Variants in TENM2 observed in about 807,000 individuals in gnomAD.
TENM2 encodes the protein teneurin transmembrane protein 2, also known as teneurin-2.
TENM2 carries 52 observed loss-of-function variants against 245.2 expected under a neutral mutation model. That is an observed-to-expected ratio of 0.21 (90% CI 0.17 to 0.27). The LOEUF is 0.27. Among genes scored for constraint, TENM2 ranks in the 10% least tolerant of loss-of-function variants. The pLI, the probability that TENM2 is intolerant of heterozygous loss-of-function variation, is 1.00. For missense variants in TENM2, 3,046 were observed against 3,666.8 expected (o/e 0.83, Z 4.37); for synonymous variants, 1,363 against 1,438.9 (o/e 0.95, Z 1.19).
intron 2 of TENM2, among the ~76,000 whole-genome samples, chr5:167,705,983 ATATATATATT>A (rs142179445): frequency 0.1 from 10,819 of 108,102 alleles, 454 homozygotes; most frequent in African/African-American, 0.2. Flanking sequence ...ATATATATAT[ATATATATATT>A]TATTTATTTA....
chr5:167,201,815 T>C, the TENM2 span, among the ~76,000 whole-genome samples: 2 of 152,312 alleles, frequency 1.3e-5, no homozygotes, highest in South Asian at 4.1e-4. Flanking sequence ...GAGAACTGAT[T>C]GGCTGACTGA....
At chr5:167,241,726 A>G in the TENM2 span, among the ~76,000 whole-genome samples, 1 of 152,124 alleles carries the variant, frequency 6.6e-6, no homozygotes, top group Middle Eastern at 3.2e-3. Flanking sequence ...CCTGAGCTGG[A>G]GCAGTTTTAG....
the TENM2 span, among the ~76,000 whole-genome samples, chr5:167,069,502 G>A: frequency 1.3e-5 from 2 of 152,152 alleles, no homozygotes; most frequent in Non-Finnish European, 2.9e-5. Context: ...TAAATGGAAA[G>A]TCAAAATAAT....
intron 2 of TENM2, among the ~76,000 whole-genome samples, chr5:167,654,450 CT>C (rs1258157326): frequency 1.4e-5 from 2 of 147,962 alleles, no homozygotes; most frequent in African/African-American, 5.3e-5. Context: ...CTTGCTTTAT[CT>C]ATTTCTGATC....
chr5:167,912,259 GT>G (rs138337978), intron 3 of TENM2, among the ~76,000 whole-genome samples: 3,035 of 152,244 alleles, frequency 0.02, 100 homozygotes, highest in African/African-American at 0.069. Context: ...TCGTCTTTCT[GT>G]GCCTGTCTTA....
the TENM2 span, among the ~76,000 whole-genome samples, chr5:166,987,960 ATT>A: frequency 6.6e-6 from 1 of 152,148 alleles, no homozygotes; most frequent in African/African-American, 2.4e-5. Flanking sequence ...AGGTTCTGGG[ATT>A]TACTTTCCAA....
the TENM2 span, among the ~76,000 whole-genome samples, chr5:167,110,334 A>G: frequency 6.6e-6 from 1 of 152,166 alleles, no homozygotes; most frequent in Non-Finnish European, 1.5e-5. Context: ...ATGCTCCTCT[A>G]GCAAAGACAG....
At chr5:167,379,174 A>T (rs1436232204) in intron 2 of TENM2, among the ~76,000 whole-genome samples, 1 of 152,294 alleles carries the variant, frequency 6.6e-6, no homozygotes, top group Non-Finnish European at 1.5e-5. Flanking sequence ...ATTCCATTGC[A>T]TTTCACAAAA....
At chr5:168,190,056 A>T (rs1760809901) in intron 13 of TENM2, among the ~76,000 whole-genome samples, 1 of 152,222 alleles carries the variant, frequency 6.6e-6, no homozygotes, top group South Asian at 2.1e-4. Context: ...TAGTAGAAAA[A>T]AGTAGAAATT....
chr5:167,348,485 G>T (rs1758616253), intron 1 of TENM2, among the ~76,000 whole-genome samples: 1 of 152,158 alleles, frequency 6.6e-6, no homozygotes, highest in Non-Finnish European at 1.5e-5. Flanking sequence ...GTCCTCCAGG[G>T]ACTGTGGGAG....
intron 1 of TENM2, among the ~76,000 whole-genome samples, chr5:167,361,978 A>AT (rs570157341): frequency 1.3e-5 from 2 of 152,044 alleles, no homozygotes; most frequent in African/African-American, 2.4e-5. Flanking sequence ...TGACATAAGA[A>AT]TTTTTTTTAA....
At chr5:168,089,437 A>G (rs535841557) in intron 7 of TENM2, among the ~76,000 whole-genome samples, 11 of 152,304 alleles carry the variant, frequency 7.2e-5, no homozygotes, top group Admixed American at 1.3e-4. Context: ...TGCCTGCTAC[A>G]GCATTTCATC....
At chr5:167,666,633 C>T (rs1755595913) in intron 2 of TENM2, among the ~76,000 whole-genome samples, 1 of 152,142 alleles carries the variant, frequency 6.6e-6, no homozygotes, top group African/African-American at 2.4e-5. Context: ...TTTACATGTA[C>T]TCTTCATATA....
chr5:167,837,509 G>A (rs1769108464), intron 2 of TENM2, among the ~76,000 whole-genome samples: 2 of 152,080 alleles, frequency 1.3e-5, no homozygotes, highest in African/African-American at 4.8e-5. Context: ...CTAAAACATA[G>A]CATTCATTCA....
At chr5:167,477,236 ATT>A (rs201317458) in intron 2 of TENM2, among the ~76,000 whole-genome samples, 1 of 147,462 alleles carries the variant, frequency 6.8e-6, no homozygotes. Flanking sequence ...TGAAACTAGA[ATT>A]TTTTTTTTCT....
intron 2 of TENM2, among the ~76,000 whole-genome samples, chr5:167,397,630 T>C (rs1350531689): frequency 6.6e-6 from 1 of 152,126 alleles, no homozygotes; most frequent in Non-Finnish European, 1.5e-5. Context: ...GAGAGAACCA[T>C]GGGAAGGTGA....
At chr5:167,145,664 C>T in the TENM2 span, among the ~76,000 whole-genome samples, 2 of 152,160 alleles carry the variant, frequency 1.3e-5, no homozygotes, top group African/African-American at 4.8e-5. Context: ...CTCGTTGCAG[C>T]GCCCCATATT....
At chr5:167,635,633 CTTTTTTTTTTTTTTTTTTT>C (rs76155764) in intron 2 of TENM2, among the ~76,000 whole-genome samples, 1 of 74,962 alleles carries the variant, frequency 1.3e-5, no homozygotes, top group Non-Finnish European at 2.3e-5. Context: ...TCAGTACAGT[CTTTTTTTTTTTTTTTTTTT>C]TTTTTTTTTT....
the TENM2 span, among the ~76,000 whole-genome samples, chr5:167,048,851 A>G: frequency 6.6e-6 from 1 of 152,226 alleles, no homozygotes; most frequent in African/African-American, 2.4e-5. Flanking sequence ...GTCTTTAATA[A>G]TTATAAGATA....
Sources: allele counts gnomAD v4.1 joint callset (sites outside exome capture counted in the v4.1 genomes callset), GRCh38; gene constraint gnomAD v4.1.1; transcripts MANE v1.5; gene names NCBI Gene and HGNC (gene_info 2026-07-23, HGNC 2026-07-21).